The following MYOM1 variants were observed in gnomAD, a reference collection of about 807,000 sequenced individuals.
MYOM1 encodes myomesin-1.
Under a neutral mutation model 205.3 loss-of-function variants are expected in MYOM1, and 164 were observed. The observed-to-expected ratio is 0.80, with a 90% confidence interval of 0.70 to 0.91. MYOM1 has a LOEUF of 0.91. MYOM1 is among the 40% of genes least tolerant of loss of function. The pLI, the probability that MYOM1 is intolerant of heterozygous loss-of-function variation, is 0.00. For synonymous variants in MYOM1, 772 were observed against 789.4 expected, an observed-to-expected ratio of 0.98 and a Z score of 0.37; for missense variants, 2,011 against 2,127.3, an observed-to-expected ratio of 0.95 and a Z score of 1.08.
chr18:3,075,693 G>C, intron 35 of MYOM1, 32 bp downstream of exon 35: 2 of 1,598,146 alleles, frequency 1.3e-6, no homozygotes, highest in Non-Finnish European at 8.6e-7. Flanking sequence ...ATTAGTGCAT[G>C]CAAGTGGCAT....
Position 3,100,340 on chromosome 18 carries a change from C to T in MYOM1, c.3662G>A (p.Ser1221Asn). 3.7e-6 allele frequency: 6 copies of T among 1,613,856 alleles called. No homozygotes were observed. The highest frequency in any genetic ancestry group is 5.1e-6 in the Non-Finnish European group (6 of 1,179,776). ...DVTDTDGIAS[S>N]YLIDEEELKR... The stretch of plus-strand genomic sequence containing the variant: ...CTTACCTTCCTCATCTATTAAGTAG[C>T]TTGATGCTATTCCATCAGTGTCTGT... Residue 1221 changes from serine (S) to asparagine (N), a missense_variant, in exon 24 of 38, where the codon AGC becomes AAC. Physicochemically the swap from Ser to Asn is conservative, Grantham distance 46. Transcript: ENST00000356443.
At position 3,193,936 on chromosome 18, in the gene MYOM1, A is replaced by G. The variant is rs747007563; in HGVS notation, c.313T>C (p.Leu105=). ...SHGLTDSSLL[L]DDYSSKLSPK... is the part of the protein sequence containing the mutation. ...CTCAACTTGGATGAATAATCATCTA[A>G]CAGCAGACTGGAATCTGTAAGTCTG... Residue 105 remains leucine (L), a synonymous_variant, in exon 3 of 38, where the codon TTA becomes CTA. Transcript: ENST00000356443. The G allele has an allele frequency of 8.7e-6, 14 of 1,613,674 alleles. No homozygotes were observed. In the East Asian group the frequency reaches 3.1e-4, roughly 36 times the overall value.
At chr18:3,239,163 T>G in the MYOM1 span, among the ~76,000 whole-genome samples, 1 of 152,208 alleles carries the variant, frequency 6.6e-6, no homozygotes, top group Non-Finnish European at 1.5e-5. Flanking sequence ...ATGGGGATAC[T>G]CCAACAGAGA....
rs756877991 is a variant in MYOM1, at chr18:3,129,529, C to T, written c.2507-10G>A. The T allele has an allele frequency of 5.0e-6, 8 of 1,600,718 alleles. 1 individual carries two copies. In the South Asian group the frequency reaches 9.0e-5, roughly 18 times the overall value. On this transcript the variant is annotated splice_polypyrimidine_tract_variant and intron_variant, in intron 17 of 37. Transcript: ENST00000356443. ...GGAGACACTCCTCCCCCTACAGTTG[C>T]CAGACAACAACAGAAACGCATTGAG...
intron 37 of MYOM1, among the ~76,000 whole-genome samples, chr18:3,069,777 T>C (rs1480806960): frequency 6.6e-6 from 1 of 152,176 alleles, no homozygotes; most frequent in Admixed American, 6.6e-5. Flanking sequence ...AAAACTCTTA[T>C]CCACACTTCA....
At chr18:3,234,049 T>C in the MYOM1 span, among the ~76,000 whole-genome samples, 1 of 152,220 alleles carries the variant, frequency 6.6e-6, no homozygotes, top group African/African-American at 2.4e-5. Flanking sequence ...GGCAGGTCAC[T>C]AACCTTGCTA....
At chr18:3,150,340 G>T (rs1354896435) in intron 12 of MYOM1, among the ~76,000 whole-genome samples, 2 of 152,182 alleles carry the variant, frequency 1.3e-5, no homozygotes, top group South Asian at 4.1e-4. Context: ...GGGATTACAG[G>T]TGTGAGCCAC....
chr18:3,238,829 C>A, the MYOM1 span, among the ~76,000 whole-genome samples: 1 of 152,156 alleles, frequency 6.6e-6, no homozygotes, highest in Non-Finnish European at 1.5e-5. Flanking sequence ...TTCCCTGGCT[C>A]CTGACCCCTT....
rs201224769 is a variant in MYOM1, at chr18:3,083,432, T to TC, written c.4484+356_4484+357insG. On this transcript the variant is annotated intron_variant, in intron 33 of 37. Coordinates refer to ENST00000356443, the MANE Select transcript of MYOM1 (RefSeq NM_003803.4). ...TCTTTTTTCTTTTTCTTTTTCTTTTTTTTTTTTTTTTTTTGAGACAGTGTC... is the reference window on the plus strand; with the variant it reads ...TCTTTTTTCTTTTTCTTTTTCTTTTTCTTTTTTTTTTTTTTGAGACAGTGTC... Among the ~76,000 whole-genome samples the TC allele has an allele frequency of 5.7e-4, 69 of 122,118 alleles. No homozygotes were observed. In the South Asian group the frequency reaches 0.01, roughly 18 times the overall value. The allele number at this position is 122,118 out of a possible 152,430, so 80.1% of individuals were successfully genotyped here.
At chr18:3,166,379 T>C (rs372874031) in intron 9 of MYOM1, among the ~76,000 whole-genome samples, 68 of 151,730 alleles carry the variant, frequency 4.5e-4, no homozygotes, top group African/African-American at 1.5e-3. Flanking sequence ...CAAGCGATTA[T>C]AGTGCCTCAG....
chr18:3,091,564 C>T (rs915383610), intron 26 of MYOM1, among the ~76,000 whole-genome samples: 4 of 151,862 alleles, frequency 2.6e-5, no homozygotes, highest in African/African-American at 7.3e-5. Flanking sequence ...TATTCTTATA[C>T]CCAGGTAAAG....
At chr18:3,200,278 T>C (rs748410419) in intron 2 of MYOM1, among the ~76,000 whole-genome samples, 3 of 152,198 alleles carry the variant, frequency 2.0e-5, no homozygotes, top group Non-Finnish European at 4.4e-5. Flanking sequence ...TGTAACAATA[T>C]ATTATCTGAC....
At position 3,187,547 on chromosome 18, in the gene MYOM1, C is replaced by T. The variant is rs1289873212; in HGVS notation, c.862G>A (p.Val288Ile). ...EFIIKPRSHT[V>I]WEKENVKLHC... ...AATTTTACATTCTCCTTCTCCCAAA[C>T]CGTGTGGGAGCGAGGTTTAATGATA... The change falls in exon 5 of 38, where the codon GTT (valine) becomes ATT (isoleucine). Residue 288 changes from valine to isoleucine, a missense_variant. Val to Ile is a conservative substitution (Grantham distance 29, BLOSUM62 3). Transcript: ENST00000356443. The T allele has an allele frequency of 1.2e-6, 2 of 1,613,862 alleles. No homozygotes were observed. Among genetic ancestry groups the T allele is most frequent in the Admixed American group, 1.7e-5 (1 of 60,022 alleles).
chr18:3,129,608 G>C, intron 17 of MYOM1, 89 bp from the exon 18 acceptor site: 1 of 1,383,154 alleles, frequency 7.2e-7, no homozygotes, highest in South Asian at 1.6e-5. Context: ...AAAAACATTA[G>C]GACCACAAGC....
At chr18:3,223,523 T>C (rs113308253), upstream of MYOM1, among the ~76,000 whole-genome samples, 133 of 152,298 alleles carry the variant, frequency 8.7e-4, no homozygotes, top group Non-Finnish European at 1.8e-3. Context: ...CTGAGTAACT[T>C]TGAAAAATCA....
At chr18:3,158,909 C>T (rs548495931) in intron 10 of MYOM1, among the ~76,000 whole-genome samples, 2 of 152,270 alleles carry the variant, frequency 1.3e-5, no homozygotes, top group East Asian at 1.9e-4. Flanking sequence ...CCACTGTGCC[C>T]AGCCTCATTT....
chr18:3,244,878 G>A, the MYOM1 span, among the ~76,000 whole-genome samples: 6 of 149,046 alleles, frequency 4.0e-5, no homozygotes, highest in South Asian at 8.5e-4. Context: ...CAGCCTGGGC[G>A]ACAGAGTGAG....
At position 3,116,454 on chromosome 18, in the gene MYOM1, C is replaced by A; in HGVS notation, c.3180G>T (p.Lys1060Asn). The A allele has an allele frequency of 6.2e-7, 1 of 1,611,752 alleles. No individual in the cohort carries two copies. Among genetic ancestry groups the A allele is most frequent in the Non-Finnish European group, 8.5e-7 (1 of 1,178,792 alleles). ...VRKDSLVLQW[K>N]PPVHSGRTPV... ...GAGTCCGCCCGGAGTGGACTGGCGG[C>A]TTCCACTGGAGAACCAGTGAGTCTT... Residue 1060 changes from lysine (K) to asparagine (N), a missense_variant, in exon 21 of 38, where the codon AAG (lysine) becomes AAT (asparagine). Coordinates refer to ENST00000356443, the MANE Select transcript of MYOM1 (RefSeq NM_003803.4).
chr18:3,079,127 T>TA, intron 34 of MYOM1, 52 bp downstream of exon 34: 1 of 1,584,818 alleles, frequency 6.3e-7, no homozygotes, highest in Non-Finnish European at 8.6e-7. Context: ...TCATTCCTTT[T>TA]AAAAGGCTCA....
Sources: allele counts gnomAD v4.1 joint callset (sites outside exome capture counted in the v4.1 genomes callset), GRCh38; gene constraint gnomAD v4.1.1; transcripts MANE v1.5; gene names NCBI Gene and HGNC (gene_info 2026-07-23, HGNC 2026-07-21).